ANKRD11: variants seen among roughly 807,000 people sequenced by gnomAD.
ANKRD11 encodes the protein ankyrin repeat domain 11.
A neutral mutation model predicts 195.7 loss-of-function variants in ANKRD11; 17 were observed. The ratio of observed to expected loss-of-function variants is 0.09; its 90% confidence interval spans 0.06 to 0.13. The LOEUF (loss-of-function observed/expected upper bound fraction) is 0.13, where lower values mean the gene tolerates loss of function less well. Among genes scored for constraint, ANKRD11 ranks in the 10% least tolerant of loss-of-function variants. The pLI is 1.00. For synonymous variants in ANKRD11, 1,953 were observed against 1,528.1 expected (o/e 1.28, Z -6.49); for missense variants, 3,735 against 3,566.1 (o/e 1.05, Z -1.21).
intron 2 of ANKRD11, among the ~76,000 whole-genome samples, chr16:89,384,383 T>G (rs1277212186): frequency 1.3e-5 from 2 of 151,972 alleles, no homozygotes; most frequent in African/African-American, 4.8e-5. Flanking sequence ...ATACAAAAAT[T>G]AGCTAGGCGT....
intron 4 of ANKRD11, among the ~76,000 whole-genome samples, chr16:89,304,662 G>C (rs1198245219): frequency 2.6e-5 from 4 of 151,544 alleles, no homozygotes; most frequent in Non-Finnish European, 5.9e-5. Flanking sequence ...ACACGGGCAT[G>C]TGCACATGGG....
chr16:89,304,297 C>T (rs1386723641), intron 4 of ANKRD11, among the ~76,000 whole-genome samples: 4 of 151,840 alleles, frequency 2.6e-5, no homozygotes, highest in Non-Finnish European at 4.4e-5. Flanking sequence ...CACACATGGG[C>T]ACACAGGCAC....
intron 1 of ANKRD11, among the ~76,000 whole-genome samples, chr16:89,421,188 G>A (rs1249701606): frequency 2.3e-5 from 3 of 129,782 alleles, no homozygotes; most frequent in Non-Finnish European, 3.3e-5. Context: ...CATGTCTGGG[G>A]GTGGGGGTGA....
intron 2 of ANKRD11, among the ~76,000 whole-genome samples, chr16:89,325,694 C>T (rs760554658): frequency 6.6e-6 from 1 of 152,206 alleles, no homozygotes; most frequent in Non-Finnish European, 1.5e-5. Context: ...TTGTGGTCTG[C>T]TAAGTTGTAC....
intron 2 of ANKRD11, among the ~76,000 whole-genome samples, chr16:89,326,821 T>C (rs1214190570): frequency 1.3e-5 from 2 of 151,990 alleles, no homozygotes; most frequent in Non-Finnish European, 2.9e-5. Context: ...CCCCAAAGCA[T>C]CTCCTAAGAA....
At chr16:89,293,564 T>TGGGGCAGAGG (rs2151809494) in intron 4 of ANKRD11, among the ~76,000 whole-genome samples, 1 of 108,842 alleles carries the variant, frequency 9.2e-6, no homozygotes, top group African/African-American at 3.5e-5. Flanking sequence ...TGGGGCGGTA[T>TGGGGCAGAGG]TGGGGCTGCG....
chr16:89,411,077 G>C (rs1011855471), intron 2 of ANKRD11, among the ~76,000 whole-genome samples: 3 of 152,218 alleles, frequency 2.0e-5, no homozygotes, highest in Admixed American at 2.0e-4. Context: ...GGCCAGTGCA[G>C]GAGGCAGGTT....
At chr16:89,295,427 C>A (rs1358431478) in intron 4 of ANKRD11, among the ~76,000 whole-genome samples, 1 of 152,228 alleles carries the variant, frequency 6.6e-6, no homozygotes, top group Non-Finnish European at 1.5e-5. Context: ...ACATCCACCT[C>A]GCCAGCCCTC....
rs528499582 is a variant in ANKRD11, at chr16:89,465,870, C to G, written c.-145+24375G>C. On this transcript the variant is annotated intron_variant, in intron 1 of 12. Coordinates refer to ENST00000301030, the MANE Select transcript of ANKRD11 (RefSeq NM_013275.6). ...GGACTGCAGGCGCCCGCCACCATGC[C>G]CGGCTAATTTTTTGTATTTTTAGTA... Among the ~76,000 whole-genome samples, 738 of 152,242 alleles carry G rather than the reference C, an allele frequency of 4.8e-3. 13 individuals carry two copies. Among genetic ancestry groups the G allele is most frequent in the Non-Finnish European group, 1.6e-3 (107 of 68,012 alleles).
intron 1 of ANKRD11, among the ~76,000 whole-genome samples, chr16:89,487,738 C>T (rs1013268191): frequency 2.6e-5 from 4 of 152,092 alleles, no homozygotes; most frequent in African/African-American, 7.2e-5. Context: ...TGCGCCACTG[C>T]ACTCCAGCCT....
intron 1 of ANKRD11, among the ~76,000 whole-genome samples, chr16:89,476,057 A>G (rs374360452): frequency 1.3e-5 from 2 of 152,038 alleles, no homozygotes; most frequent in South Asian, 4.1e-4. Context: ...GTCTCAAAAA[A>G]AAAAAAAAAG....
intron 1 of ANKRD11, among the ~76,000 whole-genome samples, chr16:89,445,991 A>C (rs1225672394): frequency 9.4e-5 from 14 of 148,796 alleles, no homozygotes; most frequent in Non-Finnish European, 2.0e-4. Flanking sequence ...CAAAAAAAAA[A>C]ATTTTTTGTT....
At chr16:89,450,821 T>G (rs767415330) in intron 1 of ANKRD11, among the ~76,000 whole-genome samples, 1 of 152,108 alleles carries the variant, frequency 6.6e-6, no homozygotes, top group South Asian at 2.1e-4. Flanking sequence ...AAATTCTATT[T>G]TGTTCAATTT....
In ANKRD11 at chr16:89,484,848, T is replaced by C. The variant is rs536688889; in HGVS notation, c.-145+5397A>G. ...TTTTCAAATAATGAACAGGTACACATTGGTTGCTTTACACGTGGAAAAAAG... is the reference window on the plus strand; with the variant it reads ...TTTTCAAATAATGAACAGGTACACACTGGTTGCTTTACACGTGGAAAAAAG... On this transcript the variant is annotated intron_variant, in intron 1 of 12. Coordinates refer to ENST00000301030, the MANE Select transcript of ANKRD11 (RefSeq NM_013275.6). Among the ~76,000 whole-genome samples the C allele has an allele frequency of 4.6e-5, 7 of 152,230 alleles. No homozygotes were observed. In the East Asian group the frequency reaches 1.2e-3, roughly 25 times the overall value.
At chr16:89,304,961 T>C in intron 4 of ANKRD11, 1 of 588,998 alleles carries the variant, frequency 1.7e-6, no homozygotes, top group South Asian at 2.3e-5. Flanking sequence ...CGGGTGCATC[T>C]CCACGTGTGT....
chr16:89,435,343 A>C (rs1362601207), intron 1 of ANKRD11, among the ~76,000 whole-genome samples: 1 of 152,226 alleles, frequency 6.6e-6, no homozygotes, highest in East Asian at 1.9e-4. Context: ...AGGGAATAAA[A>C]GCTGGCCACA....
intron 2 of ANKRD11, among the ~76,000 whole-genome samples, chr16:89,327,694 A>G (rs1029030777): frequency 4.9e-5 from 2 of 41,046 alleles, no homozygotes; most frequent in African/African-American, 3.0e-4. Flanking sequence ...TAATCAAATA[A>G]AAACATGAAA....
chr16:89,431,982 TC>T (rs775343406), intron 1 of ANKRD11, among the ~76,000 whole-genome samples: 4 of 151,396 alleles, frequency 2.6e-5, no homozygotes, highest in Admixed American at 6.6e-5. Context: ...CATTTCCAGC[TC>T]CCCCCCATCA....
chr16:89,428,223 T>C (rs946207551), intron 1 of ANKRD11, among the ~76,000 whole-genome samples: 2 of 149,404 alleles, frequency 1.3e-5, no homozygotes, highest in South Asian at 4.2e-4. Context: ...AATAGATTAA[T>C]TAATTAAAAT....
Sources: gnomAD v4.1 joint callset for allele counts (sites outside exome capture counted in the v4.1 genomes callset) on GRCh38, gnomAD v4.1.1 for gene constraint, MANE v1.5 for transcripts, NCBI Gene and HGNC (gene_info 2026-07-23, HGNC 2026-07-21) for gene names.